The following ARHGAP44 variants were observed in gnomAD, a reference collection of about 807,000 sequenced individuals.
The protein encoded by ARHGAP44 is Rho GTPase activating protein 44.
In ARHGAP44, 43 loss-of-function variants were observed where a neutral mutation model predicts 106.8. The observed-to-expected ratio is 0.40, with a 90% CI of 0.32 to 0.52. The LOEUF is 0.52. Ranked by LOEUF, ARHGAP44 falls within the 20% of genes least tolerant of loss-of-function variation. The pLI is 0.48. For synonymous variants in ARHGAP44, 439 were observed against 410.3 expected (o/e 1.07, Z -0.85); for missense variants, 866 against 1,050.5 (o/e 0.82, Z 2.43).
chr17:12,907,090 A>G (rs144539713), intron 3 of ARHGAP44, among the ~76,000 whole-genome samples: 5 of 152,312 alleles, frequency 3.3e-5, no homozygotes, highest in Admixed American at 1.3e-4. Flanking sequence ...TAAATGAATT[A>G]TAAGTGGAAA....
At chr17:12,908,871 C>G in intron 3 of ARHGAP44, 26 bp from the exon 4 acceptor site, 1 of 1,588,328 alleles carries the variant, frequency 6.3e-7, no homozygotes, top group South Asian at 1.1e-5. Flanking sequence ...AAGTAGCTTT[C>G]ATTACAGCAT....
intron 3 of ARHGAP44, among the ~76,000 whole-genome samples, chr17:12,901,472 C>T (rs1438094023): frequency 6.6e-6 from 1 of 151,972 alleles, no homozygotes; most frequent in East Asian, 1.9e-4. Context: ...AAGTGAGAGG[C>T]CAGTTACACA....
At chr17:12,981,617 C>T (rs184024940) in intron 19 of ARHGAP44, among the ~76,000 whole-genome samples, 156 of 151,872 alleles carry the variant, frequency 1.0e-3, no homozygotes, top group African/African-American at 3.4e-3. Flanking sequence ...AGACTGGTCT[C>T]GAACTCCTGA....
chr17:12,918,699 G>A lies in ARHGAP44; in HGVS notation c.388-1056G>A, dbSNP rs190074546. ...CTAGATGCAGCCATAGCCTCTCCAC[G>A]CTCTTCCTCCTTCAGCTGTCCATTT... On this transcript the variant is annotated intron_variant, in intron 5 of 20. Transcript: ENST00000379672. 5.7e-3 allele frequency among the ~76,000 whole-genome samples: 863 copies of A among 152,058 alleles called. 7 individuals carry two copies. The highest frequency in any genetic ancestry group is 0.019 in the Admixed American group (289 of 15,272).
intron 1 of ARHGAP44, among the ~76,000 whole-genome samples, chr17:12,792,561 C>CGGT (rs1223943996): frequency 1.3e-5 from 2 of 152,128 alleles, no homozygotes; most frequent in African/African-American, 4.8e-5. Context: ...AAAGAGCCCG[C>CGGT]GGTTGCCTGT....
chr17:12,795,757 G>A (rs1261831123), intron 1 of ARHGAP44, among the ~76,000 whole-genome samples: 1 of 152,058 alleles, frequency 6.6e-6, no homozygotes, highest in African/African-American at 2.4e-5. Flanking sequence ...GGTCAGGCAG[G>A]AGGTTGGGGG....
At chr17:12,977,378 C>T (rs1401575953) in intron 18 of ARHGAP44, among the ~76,000 whole-genome samples, 5 of 152,058 alleles carry the variant, frequency 3.3e-5, no homozygotes, top group Non-Finnish European at 5.9e-5. Context: ...GTTCTGGCTC[C>T]CCCTCCCCTG....
chr17:12,976,319 AAG>A (rs147177652), intron 18 of ARHGAP44, among the ~76,000 whole-genome samples: 1,703 of 152,150 alleles, frequency 0.011, 31 homozygotes, highest in African/African-American at 0.036. Flanking sequence ...AATGAGTAAA[AAG>A]TATTTTCACG....
At chr17:12,978,126 G>C (rs2143386976) in intron 18 of ARHGAP44, among the ~76,000 whole-genome samples, 1 of 151,526 alleles carries the variant, frequency 6.6e-6, no homozygotes, top group South Asian at 2.1e-4. Context: ...TGTGTCCAAA[G>C]GAAGGAAGAA....
At position 12,790,193 on chromosome 17, in the gene ARHGAP44, C is replaced by T. The variant is rs1233954562; in HGVS notation, c.53+302C>T. ...TCGTCCTCCCTGCCTTTCCCCGGGA[C>T]TCCCTTCTCCCTCTGGCCGCCTGTC... On this transcript the variant is annotated intron_variant, in intron 1 of 20. Coordinates refer to ENST00000379672, the MANE Select transcript of ARHGAP44 (RefSeq NM_014859.6). The T allele has an allele frequency of 1.2e-4, 46 of 388,824 alleles. 1 individual carries two copies. The East Asian group carries it at 1.7e-3, about 15-fold the overall frequency. The allele number at this position is 388,824 out of a possible 1,614,324, so 24.1% of individuals were successfully genotyped here.
intron 1 of ARHGAP44, among the ~76,000 whole-genome samples, chr17:12,855,255 T>C (rs189372892): frequency 1.3e-5 from 2 of 152,080 alleles, no homozygotes; most frequent in South Asian, 2.1e-4. Flanking sequence ...AATAAATAAA[T>C]AAACAAACAA....
chr17:12,930,505 TGGGATTACA>T (rs1289670206), intron 7 of ARHGAP44, among the ~76,000 whole-genome samples: 1 of 152,228 alleles, frequency 6.6e-6, no homozygotes, highest in Non-Finnish European at 1.5e-5. Context: ...CACAAAGTGC[TGGGATTACA>T]GGCGTGAGCC....
intron 5 of ARHGAP44, among the ~76,000 whole-genome samples, chr17:12,919,438 T>A (rs1400875763): frequency 2.1e-5 from 3 of 142,066 alleles, no homozygotes; most frequent in Non-Finnish European, 4.5e-5. Flanking sequence ...CAGGCTGGAG[T>A]GGAGTGGTGT....
At chr17:12,813,738 C>T (rs948581990) in intron 1 of ARHGAP44, among the ~76,000 whole-genome samples, 5 of 152,120 alleles carry the variant, frequency 3.3e-5, no homozygotes, top group African/African-American at 9.7e-5. Context: ...GATACACTCT[C>T]CTTGGGTGGT....
intron 18 of ARHGAP44, among the ~76,000 whole-genome samples, chr17:12,978,937 C>T (rs1420895092): frequency 6.6e-6 from 1 of 152,128 alleles, no homozygotes; most frequent in Non-Finnish European, 1.5e-5. Flanking sequence ...GACCTGCCTG[C>T]CTCGGCCTCC....
At chr17:12,946,049 G>A (rs2038842976) in intron 10 of ARHGAP44, among the ~76,000 whole-genome samples, 1 of 152,146 alleles carries the variant, frequency 6.6e-6, no homozygotes, top group Non-Finnish European at 1.5e-5. Flanking sequence ...GTGAGCCACC[G>A]CACTGGGCCT....
chr17:12,864,604 C>T (rs2036179979), intron 1 of ARHGAP44, among the ~76,000 whole-genome samples: 1 of 152,138 alleles, frequency 6.6e-6, no homozygotes, highest in African/African-American at 2.4e-5. Flanking sequence ...AGGGATCACA[C>T]GACTGTGACT....
At chr17:12,898,587 G>C (rs2037283652) in intron 3 of ARHGAP44, among the ~76,000 whole-genome samples, 1 of 152,184 alleles carries the variant, frequency 6.6e-6, no homozygotes, top group African/African-American at 2.4e-5. Flanking sequence ...TGTGACGCTT[G>C]GGCCTCCACT....
intron 15 of ARHGAP44, among the ~76,000 whole-genome samples, chr17:12,957,449 G>C (rs142772847): frequency 6.6e-6 from 1 of 152,198 alleles, no homozygotes; most frequent in Non-Finnish European, 1.5e-5. Context: ...GGGGAGACAG[G>C]TTCCTGAGAT....
Sources: allele counts gnomAD v4.1 joint callset (sites outside exome capture counted in the v4.1 genomes callset), GRCh38; gene constraint gnomAD v4.1.1; transcripts MANE v1.5; gene names NCBI Gene and HGNC (gene_info 2026-07-23, HGNC 2026-07-21).